Variants in PTPRG observed in about 807,000 individuals in gnomAD.
PTPRG encodes protein tyrosine phosphatase receptor type G.
A neutral mutation model predicts 165.3 loss-of-function variants in PTPRG; 102 were observed. That is an observed-to-expected ratio of 0.62 (90% CI 0.53 to 0.73). The LOEUF (loss-of-function observed/expected upper bound fraction) is 0.73, where lower values mean the gene tolerates loss of function less well. Among genes scored for constraint, PTPRG ranks in the 30% least tolerant of loss-of-function variants. The probability of loss-of-function intolerance (pLI) is 0.00; values close to 1 mark genes in which losing one functional copy is unlikely to be tolerated. For synonymous variants in PTPRG, 675 were observed against 669.5 expected, an observed-to-expected ratio of 1.01 and a Z score of -0.13; for missense variants, 1,866 against 1,861.4, an observed-to-expected ratio of 1.00 and a Z score of -0.05.
intron 4 of PTPRG, among the ~76,000 whole-genome samples, chr3:62,028,110 A>C (rs1309164536): frequency 1.3e-5 from 2 of 152,222 alleles, no homozygotes; most frequent in Non-Finnish European, 2.9e-5. Flanking sequence ...GGTTTACTGG[A>C]AGTCAGAATC....
At chr3:62,150,369 A>G (rs1202130670) in intron 6 of PTPRG, among the ~76,000 whole-genome samples, 3 of 152,204 alleles carry the variant, frequency 2.0e-5, no homozygotes, top group Admixed American at 6.5e-5. Context: ...GTCCCTGTAG[A>G]AAGTGGCTAG....
At chr3:61,567,640 T>A (rs1345547431) in intron 1 of PTPRG, among the ~76,000 whole-genome samples, 1 of 140,514 alleles carries the variant, frequency 7.1e-6, no homozygotes, top group African/African-American at 2.7e-5. Flanking sequence ...CACTCCAGCT[T>A]GAGTGACACA....
intron 1 of PTPRG, among the ~76,000 whole-genome samples, chr3:61,709,131 T>G (rs2031420510): frequency 1.3e-5 from 2 of 152,188 alleles, no homozygotes; most frequent in African/African-American, 4.8e-5. Context: ...AGAGGTATTG[T>G]TGTCTCCATT....
At chr3:62,236,422 G>C (rs2106934554) in intron 14 of PTPRG, among the ~76,000 whole-genome samples, 1 of 152,160 alleles carries the variant, frequency 6.6e-6, no homozygotes, top group Non-Finnish European at 1.5e-5. Flanking sequence ...ATTCATGCAG[G>C]GTTTACTACA....
At chr3:61,573,934 G>A (rs1700119544) in intron 1 of PTPRG, among the ~76,000 whole-genome samples, 1 of 152,054 alleles carries the variant, frequency 6.6e-6, no homozygotes, top group East Asian at 1.9e-4. Flanking sequence ...GGCTGCTAAG[G>A]TATCTGTTGC....
chr3:61,882,807 A>C (rs1346100915), intron 2 of PTPRG, among the ~76,000 whole-genome samples: 1 of 152,202 alleles, frequency 6.6e-6, no homozygotes, highest in South Asian at 2.1e-4. Context: ...GACTAGACCC[A>C]CAGGAGGTAT....
chr3:61,958,597 C>G (rs2040084921), intron 2 of PTPRG, among the ~76,000 whole-genome samples: 1 of 152,160 alleles, frequency 6.6e-6, no homozygotes, highest in Admixed American at 6.5e-5. Flanking sequence ...TCCATAGTTA[C>G]AGGTTTTTTC....
chr3:62,105,408 T>C (rs1702440593), intron 5 of PTPRG, among the ~76,000 whole-genome samples: 1 of 152,226 alleles, frequency 6.6e-6, no homozygotes. Context: ...GTATTAATTA[T>C]GTTGCTCCAA....
At chr3:62,204,783 G>T (rs1700186100) in intron 12 of PTPRG, among the ~76,000 whole-genome samples, 1 of 152,140 alleles carries the variant, frequency 6.6e-6, no homozygotes, top group Non-Finnish European at 1.5e-5. Flanking sequence ...AGACAGTGAG[G>T]CCAGGGCATG....
intron 2 of PTPRG, among the ~76,000 whole-genome samples, chr3:61,986,220 A>T (rs1345570018): frequency 1.2e-4 from 18 of 151,062 alleles, no homozygotes; most frequent in Non-Finnish European, 2.9e-5. Flanking sequence ...ATTCATTTGT[A>T]CCTAAAAATA....
intron 26 of PTPRG, among the ~76,000 whole-genome samples, chr3:62,280,569 G>T (rs1207999433): frequency 2.0e-5 from 3 of 151,968 alleles, no homozygotes; most frequent in African/African-American, 4.8e-5. Flanking sequence ...GATACCAAAT[G>T]TTGGTGAGGA....
At chr3:62,035,915 T>C (rs1418303997) in intron 4 of PTPRG, among the ~76,000 whole-genome samples, 1 of 152,210 alleles carries the variant, frequency 6.6e-6, no homozygotes, top group Non-Finnish European at 1.5e-5. Context: ...GGGAGCACTG[T>C]TAATTTTTAA....
intron 1 of PTPRG, among the ~76,000 whole-genome samples, chr3:61,621,566 TTCTCTC>T (rs1029838995): frequency 3.3e-5 from 5 of 152,176 alleles, no homozygotes; most frequent in African/African-American, 1.2e-4. Flanking sequence ...TCCTCCCTCT[TTCTCTC>T]TCTGTCTTCC....
intron 1 of PTPRG, among the ~76,000 whole-genome samples, chr3:61,687,635 A>AG (rs1183411074): frequency 6.6e-6 from 1 of 152,250 alleles, no homozygotes; most frequent in African/African-American, 2.4e-5. Flanking sequence ...ATGAGAAGTT[A>AG]GGAAAGTGTG....
chr3:62,181,411 CTT>C (rs200690359), intron 8 of PTPRG, among the ~76,000 whole-genome samples: 6 of 151,632 alleles, frequency 4.0e-5, no homozygotes, highest in African/African-American at 1.5e-4. Flanking sequence ...TTTGTACACA[CTT>C]TTTTTTTCTG....
At chr3:61,758,858 T>C (rs1375113055) in intron 2 of PTPRG, among the ~76,000 whole-genome samples, 2 of 152,212 alleles carry the variant, frequency 1.3e-5, no homozygotes, top group African/African-American at 2.4e-5. Flanking sequence ...TTGTGAACTT[T>C]TAGAATTGCC....
At chr3:61,844,934 GT>G (rs1168202796) in intron 2 of PTPRG, among the ~76,000 whole-genome samples, 1 of 152,150 alleles carries the variant, frequency 6.6e-6, no homozygotes, top group Non-Finnish European at 1.5e-5. Flanking sequence ...TAGTTGAAAG[GT>G]TTTTTAACTA....
rs185785254 is a variant in PTPRG, at chr3:62,295,541, C to T, written c.*2234C>T. The T allele has an allele frequency of 6.6e-6, 1 of 152,182 alleles. No individual in the cohort carries two copies. The highest frequency in any genetic ancestry group is 1.5e-5 in the Non-Finnish European group (1 of 67,982). 9.4% of individuals were successfully genotyped at this position (152,182 alleles called of 1,614,324 possible). A position where few individuals can be genotyped will look rare whatever the true frequency, so the allele number is the denominator to read the frequency against. On this transcript the variant is annotated 3_prime_UTR_variant, in exon 30 of 30. Transcript: ENST00000474889. ...ATAGAGGGCTCAATTCGTAGAAAGG[C>T]ATACCCTCCAATGCAATTCTGTGGC...
Position 62,203,671 on chromosome 3 carries a change from A to C in PTPRG, c.1876A>C (p.Thr626Pro). The C allele has an allele frequency of 6.4e-7, 1 of 1,565,508 alleles. No individual in the cohort carries two copies. Among genetic ancestry groups the C allele is most frequent in the Non-Finnish European group, 8.7e-7 (1 of 1,154,490 alleles). Reference sequence around the variant, plus strand: ...GCGGAATCAGACGGAGCCCAGCCCCACACCCTCGTCTCCTAACAGGACTGC... The same window carrying C: ...GCGGAATCAGACGGAGCCCAGCCCCCCACCCTCGTCTCCTAACAGGACTGC... ...EERNQTEPSP[T>P]PSSPNRTAEG... Residue 626 changes from threonine (T) to proline (P), a missense_variant, in exon 12 of 30, where the codon ACA (threonine) becomes CCA (proline). Physicochemically the swap from Thr to Pro is conservative, Grantham distance 38. Transcript: ENST00000474889. The surrounding 1 kb of genome is among the most constrained non-coding windows in gnomAD (Gnocchi z 6.4).
Sources: allele counts gnomAD v4.1 joint callset (sites outside exome capture counted in the v4.1 genomes callset), GRCh38; gene constraint gnomAD v4.1.1; non-coding constraint Gnocchi (gnomAD v3.1); transcripts MANE v1.5; gene names NCBI Gene and HGNC (gene_info 2026-07-23, HGNC 2026-07-21).